Variants in CCSER1 observed in about 807,000 individuals in gnomAD.
CCSER1 encodes serine-rich coiled-coil domain-containing protein 1.
In CCSER1, 41 loss-of-function variants were observed where a neutral mutation model predicts 82.0. The ratio of observed to expected loss-of-function variants is 0.50; its 90% CI spans 0.39 to 0.65. CCSER1 has a LOEUF of 0.65. CCSER1 is among the 30% of genes least tolerant of loss of function. The probability of loss-of-function intolerance (pLI) is 0.00; values close to 1 mark genes in which losing one functional copy is unlikely to be tolerated. For synonymous variants in CCSER1, 414 were observed against 383.9 expected (o/e 1.08, Z -0.92); for missense variants, 1,119 against 1,064.2 (o/e 1.05, Z -0.72).
chr4:90,211,417 A>G (rs1247246668), intron 1 of CCSER1, among the ~76,000 whole-genome samples: 1 of 152,250 alleles, frequency 6.6e-6, no homozygotes, highest in Non-Finnish European at 1.5e-5. Context: ...GGTTACATTT[A>G]AAATGAGTAA....
At chr4:91,057,307 A>G (rs1743536024) in intron 9 of CCSER1, among the ~76,000 whole-genome samples, 3 of 151,848 alleles carry the variant, frequency 2.0e-5, no homozygotes, top group African/African-American at 7.3e-5. Context: ...GCTTCAGTAC[A>G]CTCCAGAGTT....
At chr4:91,065,907 G>A (rs1581461773) in intron 9 of CCSER1, among the ~76,000 whole-genome samples, 4 of 152,012 alleles carry the variant, frequency 2.6e-5, no homozygotes, top group Admixed American at 2.6e-4. Context: ...GATTCAATAT[G>A]TACTAATTTA....
intron 9 of CCSER1, among the ~76,000 whole-genome samples, chr4:90,995,439 G>C (rs1327915923): frequency 2.0e-5 from 3 of 152,068 alleles, no homozygotes; most frequent in Admixed American, 2.0e-4. Context: ...ACTGAAGAAA[G>C]AATTTAGCCC....
chr4:91,275,871 T>A (rs1742390206), intron 10 of CCSER1, among the ~76,000 whole-genome samples: 1 of 152,200 alleles, frequency 6.6e-6, no homozygotes, highest in Non-Finnish European at 1.5e-5. Flanking sequence ...TTCATTCTGT[T>A]GCATATAGAT....
intron 10 of CCSER1, among the ~76,000 whole-genome samples, chr4:91,235,587 G>C (rs1197734594): frequency 6.6e-6 from 1 of 151,914 alleles, no homozygotes; most frequent in East Asian, 1.9e-4. Context: ...AAAAATCAAC[G>C]TATCTTTTTA....
intron 3 of CCSER1, among the ~76,000 whole-genome samples, chr4:90,340,331 A>T (rs1741168113): frequency 6.6e-6 from 1 of 152,156 alleles, no homozygotes; most frequent in Non-Finnish European, 1.5e-5. Context: ...ACCCTCAAAA[A>T]CTAAAAGCAA....
chr4:90,730,348 T>C (rs1744472746), intron 7 of CCSER1, among the ~76,000 whole-genome samples: 1 of 152,184 alleles, frequency 6.6e-6, no homozygotes, highest in Admixed American at 6.5e-5. Flanking sequence ...GCTTTTTTAA[T>C]GTATCCCTGG....
At chr4:90,967,073 T>A (rs1222226093) in intron 9 of CCSER1, among the ~76,000 whole-genome samples, 1 of 152,056 alleles carries the variant, frequency 6.6e-6, no homozygotes, top group Non-Finnish European at 1.5e-5. Flanking sequence ...TTAAATAGAA[T>A]TGAGAATCCA....
At chr4:91,331,134 TTGGAAA>T (rs1259099429) in intron 10 of CCSER1, among the ~76,000 whole-genome samples, 2 of 152,112 alleles carry the variant, frequency 1.3e-5, no homozygotes, top group Non-Finnish European at 2.9e-5. Context: ...TCATAGAATG[TTGGAAA>T]TGGAAAGTAT....
intron 5 of CCSER1, among the ~76,000 whole-genome samples, chr4:90,476,684 T>C (rs752925534): frequency 5.3e-5 from 8 of 152,206 alleles, no homozygotes; most frequent in African/African-American, 1.9e-4. Flanking sequence ...AATAAGAATG[T>C]TTAAAAATTC....
chr4:91,397,626 G>A (rs1033153267), intron 10 of CCSER1, among the ~76,000 whole-genome samples: 2 of 152,000 alleles, frequency 1.3e-5, no homozygotes, highest in African/African-American at 4.8e-5. Flanking sequence ...ATTCCTAGGT[G>A]ATGAGAAAAC....
chr4:90,611,461 CAGTT>C (rs1579463239), intron 5 of CCSER1, among the ~76,000 whole-genome samples: 1 of 151,858 alleles, frequency 6.6e-6, no homozygotes, highest in South Asian at 2.1e-4. Flanking sequence ...ATTCAAATCT[CAGTT>C]GGTTGCTTTG....
intron 1 of CCSER1, among the ~76,000 whole-genome samples, chr4:90,299,801 G>C (rs1486935309): frequency 6.6e-6 from 1 of 152,088 alleles, no homozygotes; most frequent in African/African-American, 2.4e-5. Flanking sequence ...TGTGAGCCCT[G>C]TTTAAATCTG....
chr4:90,132,460 T>C (rs1722970461), intron 1 of CCSER1, among the ~76,000 whole-genome samples: 1 of 152,066 alleles, frequency 6.6e-6, no homozygotes, highest in African/African-American at 2.4e-5. Flanking sequence ...GATGGGGAGA[T>C]TGAGGAGAAA....
chr4:91,204,243 G>GTA (rs1736156717), intron 10 of CCSER1, among the ~76,000 whole-genome samples: 1 of 151,848 alleles, frequency 6.6e-6, no homozygotes, highest in Non-Finnish European at 1.5e-5. Flanking sequence ...ATAGAAGGCT[G>GTA]TACAGGGCAC....
rs369542026 is a variant in CCSER1 at position 91,306,805 on chromosome 4, T to C, written c.2217+220811T>C. ...GATACAAATTGACCACAGCTATTAA[T>C]TTAGGTTAACTGTTAAATCAACTTT... On this transcript the variant is annotated intron_variant, in intron 10 of 10. Transcript: ENST00000509176. 5.3e-4 allele frequency among the ~76,000 whole-genome samples: 81 copies of C among 152,166 alleles called. 1 individual carries two copies. Among genetic ancestry groups the C allele is most frequent in the African/African-American group, 1.6e-3 (68 of 41,574 alleles).
intron 1 of CCSER1, among the ~76,000 whole-genome samples, chr4:90,276,210 CTTTCTTTCTTTCTTTCTTTCTTTCTTTCT>C (rs1560929299): frequency 1.1e-4 from 7 of 66,576 alleles, no homozygotes; most frequent in African/African-American, 2.9e-4. Context: ...TTCTTTCTTT[CTTTCTTTCTTTCTTTCTTTCTTTCTTTCT>C]TTCTTTCTTT....
chr4:90,735,969 A>T (rs549139139), intron 7 of CCSER1, among the ~76,000 whole-genome samples: 1 of 152,210 alleles, frequency 6.6e-6, no homozygotes, highest in Non-Finnish European at 1.5e-5. Flanking sequence ...TGAGCCACTG[A>T]TCACTCAGAA....
chr4:90,585,428 T>C (rs1781893744), intron 5 of CCSER1, among the ~76,000 whole-genome samples: 1 of 152,158 alleles, frequency 6.6e-6, no homozygotes, highest in African/African-American at 2.4e-5. Flanking sequence ...TAAAAAATAA[T>C]AATGAAAGTG....
Sources: allele counts gnomAD v4.1 joint callset (sites outside exome capture counted in the v4.1 genomes callset), GRCh38; gene constraint gnomAD v4.1.1; transcripts MANE v1.5; gene names NCBI Gene and HGNC (gene_info 2026-07-23, HGNC 2026-07-21).